Variants in EML1 observed in about 807,000 individuals in gnomAD.
EML1 encodes the protein echinoderm microtubule-associated protein-like 1.
A neutral mutation model predicts 110.4 loss-of-function variants in EML1; 27 were observed. That is an observed-to-expected ratio of 0.24 (90% CI 0.18 to 0.34). The LOEUF (loss-of-function observed/expected upper bound fraction) is 0.34. Ranked by LOEUF, EML1 falls within the 10% of genes least tolerant of loss-of-function variation. The probability of loss-of-function intolerance (pLI) is 1.00; values close to 1 mark genes in which losing one functional copy is unlikely to be tolerated. For synonymous variants in EML1, 344 were observed against 385.8 expected (o/e 0.89, Z 1.27); for missense variants, 741 against 1,030.9 (o/e 0.72, Z 3.85).
intron 4 of EML1, among the ~76,000 whole-genome samples, chr14:99,884,028 A>G (rs987447136): frequency 6.6e-6 from 1 of 152,234 alleles, no homozygotes; most frequent in African/African-American, 2.4e-5. Context: ...TTGCTTTGTC[A>G]TTGTGAACAA....
At chr14:99,795,746 CTTACA>C (rs1466269994) in intron 1 of EML1, among the ~76,000 whole-genome samples, 2 of 152,158 alleles carry the variant, frequency 1.3e-5, no homozygotes, top group Non-Finnish European at 2.9e-5. Flanking sequence ...AAATGAGAGA[CTTACA>C]TTACAATGGC....
Position 99,796,381 on chromosome 14 carries a change from A to G in EML1, c.67+2838A>G, listed in dbSNP as rs113676862. ...GTTAGGCAGTATCTAGCCTCCTGAA[A>G]AGGCTCATCCTCATCTTTCAGGAAC... On this transcript the variant is annotated intron_variant, in intron 1 of 21. Transcript: ENST00000262233. 2.0e-3 allele frequency among the ~76,000 whole-genome samples: 308 copies of G among 152,290 alleles called. 2 individuals carry two copies. The highest frequency in any genetic ancestry group is 7.3e-3 in the African/African-American group (302 of 41,554).
chr14:99,923,765 A>G (rs998631315), intron 17 of EML1, among the ~76,000 whole-genome samples: 1 of 152,186 alleles, frequency 6.6e-6, no homozygotes, highest in African/African-American at 2.4e-5. Flanking sequence ...TTCCTACTAT[A>G]TGTAAAATTG....
At chr14:99,870,279 T>A (rs1035885497) in intron 3 of EML1, among the ~76,000 whole-genome samples, 2 of 152,194 alleles carry the variant, frequency 1.3e-5, no homozygotes, top group African/African-American at 4.8e-5. Flanking sequence ...TTCAATTTTA[T>A]GAAATCTGAG....
intron 1 of EML1, among the ~76,000 whole-genome samples, chr14:99,844,798 C>T (rs958957513): frequency 9.9e-5 from 15 of 152,140 alleles, no homozygotes; most frequent in Non-Finnish European, 1.9e-4. Context: ...TTGAGATGGG[C>T]TTTCTTCATT....
chr14:99,823,132 T>C (rs1595342473), intron 1 of EML1, among the ~76,000 whole-genome samples: 1 of 152,198 alleles, frequency 6.6e-6, no homozygotes, highest in South Asian at 2.1e-4. Flanking sequence ...TGCCCTCCGG[T>C]TCCAGGGTGG....
chr14:99,926,897 C>G (rs769224640), intron 17 of EML1, among the ~76,000 whole-genome samples: 4 of 152,154 alleles, frequency 2.6e-5, no homozygotes, highest in African/African-American at 7.2e-5. Flanking sequence ...GCATGCACCA[C>G]CATACCTGGC....
chr14:99,796,899 T>TTGTGTGTGTGTG (rs1180695003), intron 1 of EML1, among the ~76,000 whole-genome samples: 1 of 135,810 alleles, frequency 7.4e-6, no homozygotes, highest in African/African-American at 2.6e-5. Context: ...GTCTAAATCT[T>TTGTGTGTGTGTG]TGTGTGTGTA....
chr14:99,892,529 G>A (rs2057397), intron 5 of EML1, among the ~76,000 whole-genome samples: 27,868 of 152,030 alleles, frequency 0.18, 2,961 homozygotes, highest in East Asian at 0.43. Context: ...TCCCACTAGC[G>A]CCTTTGGGTT....
At chr14:99,737,940 C>T in intron 1 of EML1, 1 of 1,258,622 alleles carries the variant, frequency 7.9e-7, no homozygotes, top group Admixed American at 2.4e-5. Context: ...CACTGGGGCC[C>T]CCGCAGGCTG....
At chr14:99,862,477 C>T (rs1282853619) in intron 2 of EML1, among the ~76,000 whole-genome samples, 1 of 152,182 alleles carries the variant, frequency 6.6e-6, no homozygotes, top group Non-Finnish European at 1.5e-5. Flanking sequence ...ATAAATTATT[C>T]AGAATACAGC....
At chr14:99,845,670 A>G (rs1250511018) in intron 1 of EML1, among the ~76,000 whole-genome samples, 2 of 152,226 alleles carry the variant, frequency 1.3e-5, no homozygotes, top group Non-Finnish European at 2.9e-5. Flanking sequence ...CTCTTGGTTA[A>G]TAGATATGTT....
intron 1 of EML1, among the ~76,000 whole-genome samples, chr14:99,748,871 A>T (rs2057143321): frequency 6.6e-6 from 1 of 152,052 alleles, no homozygotes; most frequent in Admixed American, 6.5e-5. Context: ...GTTTCTGTAG[A>T]TTTGCGTATT....
chr14:99,878,076 G>A (rs537360478), intron 3 of EML1, among the ~76,000 whole-genome samples: 4 of 151,142 alleles, frequency 2.6e-5, no homozygotes, highest in East Asian at 1.9e-4. Flanking sequence ...TTAATTCGTC[G>A]GCTATCGTTA....
At chr14:99,739,665 G>A (rs546862141) in intron 1 of EML1, among the ~76,000 whole-genome samples, 1 of 152,300 alleles carries the variant, frequency 6.6e-6, no homozygotes, top group East Asian at 1.9e-4. Context: ...TCTAATATGT[G>A]GGTTTGAAGT....
At chr14:99,889,499 A>G (rs1401428577) in intron 4 of EML1, among the ~76,000 whole-genome samples, 1 of 152,192 alleles carries the variant, frequency 6.6e-6, no homozygotes, top group Non-Finnish European at 1.5e-5. Context: ...CAGGGGGCAA[A>G]TAAGTGCTAT....
chr14:99,940,526 C>T lies in EML1; in HGVS notation c.*414C>T, dbSNP rs11850649. On this transcript the variant is annotated 3_prime_UTR_variant, in exon 22 of 22. Transcript: ENST00000262233. Reference sequence around the variant, plus strand: ...ATGATGATAATGAGGTACTGAACCACGATGGCTGTTGAGGAATTGGTCCTA... The same window carrying T: ...ATGATGATAATGAGGTACTGAACCATGATGGCTGTTGAGGAATTGGTCCTA... The T allele has an allele frequency of 0.038, 5,776 of 153,574 alleles. 390 individuals carry two copies. The highest frequency in any genetic ancestry group is 0.13 in the African/African-American group (5,507 of 41,610). 9.5% of individuals were successfully genotyped at this position (153,574 alleles called of 1,614,324 possible).
intron 1 of EML1, chr14:99,809,401 G>A (rs535117305): frequency 3.5e-5 from 9 of 255,246 alleles, no homozygotes; most frequent in African/African-American, 1.4e-4. Context: ...TTAAAGGGGC[G>A]GGGAAGCTGC....
chr14:99,898,134 A>G (rs1427148781), intron 7 of EML1, 99 bp from the exon 8 acceptor site: 2 of 960,866 alleles, frequency 2.1e-6, no homozygotes, highest in African/African-American at 3.3e-5. Flanking sequence ...GGCATTATAT[A>G]TTTCTTATAT....
Sources: allele counts gnomAD v4.1 joint callset (sites outside exome capture counted in the v4.1 genomes callset), GRCh38; gene constraint gnomAD v4.1.1; transcripts MANE v1.5; gene names NCBI Gene and HGNC (gene_info 2026-07-23, HGNC 2026-07-21).